The following SRC variants were observed in gnomAD, a reference collection of about 807,000 sequenced individuals.
The protein encoded by SRC is SRC proto-oncogene, non-receptor tyrosine kinase.
A neutral mutation model predicts 62.9 loss-of-function variants in SRC; 13 were observed. The observed-to-expected ratio is 0.21, with a 90% CI of 0.13 to 0.33. The LOEUF (loss-of-function observed/expected upper bound fraction) is 0.33, where lower values mean the gene tolerates loss of function less well. Ranked by LOEUF, SRC falls within the 10% of genes least tolerant of loss-of-function variation. The pLI, the probability that SRC is intolerant of heterozygous loss-of-function variation, is 1.00. For synonymous variants in SRC, 302 were observed against 317.5 expected (o/e 0.95, Z 0.52); for missense variants, 457 against 737.3 (o/e 0.62, Z 4.40).
chr20:37,378,698 G>A (rs1157538391), intron 2 of SRC, among the ~76,000 whole-genome samples: 1 of 152,128 alleles, frequency 6.6e-6, no homozygotes, highest in Non-Finnish European at 1.5e-5. Flanking sequence ...ATGGCTTTCT[G>A]TGGAGAGTTT....
At chr20:37,386,559 C>T in intron 5 of SRC, 1 of 700,058 alleles carries the variant, frequency 1.4e-6, no homozygotes, top group Non-Finnish European at 2.6e-6. Context: ...TGCTTCCACT[C>T]CCTGCCTGTG....
Position 37,384,241 on chromosome 20 carries a change from G to A in SRC, c.88G>A (p.Gly30Ser). The A allele has an allele frequency of 6.4e-7, 1 of 1,570,066 alleles. No homozygotes were observed. Among genetic ancestry groups the A allele is most frequent in the Admixed American group, 1.8e-5 (1 of 55,922 alleles). ...CGAGAACGTGCACGGCGCTGGCGGGGGCGCTTTCCCCGCCTCGCAGACCCC... is the reference window on the plus strand; with the variant it reads ...CGAGAACGTGCACGGCGCTGGCGGGAGCGCTTTCCCCGCCTCGCAGACCCC... ...PAENVHGAGG[G>S]AFPASQTPSK... The change falls in exon 4 of 14, where the codon GGC (glycine) becomes AGC (serine). Residue 30 changes from glycine (G) to serine (S), a missense_variant. Physicochemically the swap from Gly to Ser is moderately conservative, Grantham distance 56. Around this residue, in one of 4 missense-constraint regions of SRC, gnomAD observed 132 missense variants for 135.4 expected, o/e 0.98. Coordinates refer to ENST00000373578, the MANE Select transcript of SRC (RefSeq NM_198291.3). This position sits in a 1 kb window ranked among gnomAD's most constrained non-coding sequence, Gnocchi z 6.7.
rs2070427490 is a variant in SRC at position 37,384,870 on chromosome 20, T to C, written c.250+467T>C. ...GCGCCCCTGCGCCCTCTGCTGGCGC[T>C]CTGCGGTCACCGCAGCCCCGGAGAG... On this transcript the variant is annotated intron_variant, in intron 4 of 13. Coordinates refer to ENST00000373578, the MANE Select transcript of SRC (RefSeq NM_198291.3). The surrounding 1 kb of genome is among the most constrained non-coding windows in gnomAD (Gnocchi z 6.7). Among the ~76,000 whole-genome samples, 1 of 152,150 alleles carries C rather than the reference T, an allele frequency of 6.6e-6. No homozygotes were observed. Among genetic ancestry groups the C allele is most frequent in the Admixed American group, 6.5e-5 (1 of 15,286 alleles).
chr20:37,378,212 G>A (rs2070306826), intron 2 of SRC, among the ~76,000 whole-genome samples: 2 of 146,336 alleles, frequency 1.4e-5, no homozygotes, highest in South Asian at 4.4e-4. Flanking sequence ...ATCCAGGCTG[G>A]AGTGCAGTGG....
chr20:37,372,347 T>C (rs568953806), intron 2 of SRC, among the ~76,000 whole-genome samples: 1 of 152,352 alleles, frequency 6.6e-6, no homozygotes, highest in Non-Finnish European at 1.5e-5. Context: ...AAGTTCTCTT[T>C]TACCACATCC....
Position 37,405,427 on chromosome 20 carries a change from A to T in SRC, c.*2048A>T, listed in dbSNP as rs1028124881. The T allele has an allele frequency of 2.0e-5, 4 of 199,230 alleles. No homozygotes were observed. Among genetic ancestry groups the T allele is most frequent in the African/African-American group, 9.2e-5 (4 of 43,408 alleles). The allele number at this position is 199,230 out of a possible 1,614,324, so 12.3% of individuals were successfully genotyped here. ...ACAAACAGACCTCAGAATCTGATCA[A>T]CAGTTTATTGAACATCTACTGTGTG... On this transcript the variant is annotated 3_prime_UTR_variant, in exon 14 of 14. Transcript: ENST00000373578.
intron 2 of SRC, among the ~76,000 whole-genome samples, chr20:37,373,232 A>T (rs1442658034): frequency 7.0e-6 from 1 of 142,600 alleles, no homozygotes; most frequent in Non-Finnish European, 1.5e-5. Context: ...ACGTACACAC[A>T]TGCACATATG....
At position 37,402,276 on chromosome 20, in the gene SRC, T is replaced by G. The variant is rs2070749055; in HGVS notation, c.1117-159T>G. ...ACTCCCGCAGAGCACTGCTCCTGCT[T>G]TCGATGCCAACAGCATTTACTGTGA... On this transcript the variant is annotated intron_variant, in intron 11 of 13. Transcript: ENST00000373578. The surrounding 1 kb of genome is among the most constrained non-coding windows in gnomAD (Gnocchi z 6.2). The G allele has an allele frequency of 1.2e-6, 1 of 833,372 alleles. No homozygotes were observed. Among genetic ancestry groups the G allele is most frequent in the Non-Finnish European group, 1.8e-6 (1 of 544,840 alleles). 51.6% of individuals were successfully genotyped at this position (833,372 alleles called of 1,614,324 possible). A position where few individuals can be genotyped will look rare whatever the true frequency, so the allele number is the denominator to read the frequency against.
chr20:37,392,016 G>A (rs2070558600), intron 5 of SRC, among the ~76,000 whole-genome samples: 2 of 152,166 alleles, frequency 1.3e-5, no homozygotes, highest in Admixed American at 6.5e-5. Context: ...GGAGAGACAA[G>A]TGTGGACACC....
At chr20:37,372,792 T>C (rs927899467) in intron 2 of SRC, among the ~76,000 whole-genome samples, 57 of 152,322 alleles carry the variant, frequency 3.7e-4, no homozygotes, top group African/African-American at 1.3e-3. Context: ...TGGGAGCTTA[T>C]TATATACATG....
At chr20:37,387,155 G>A (rs577982036) in intron 5 of SRC, among the ~76,000 whole-genome samples, 27 of 152,310 alleles carry the variant, frequency 1.8e-4, no homozygotes, top group African/African-American at 6.5e-4. Flanking sequence ...GGAAGTTGGG[G>A]GTTTCCACTG....
At chr20:37,355,250 G>T (rs1432908733) in intron 1 of SRC, among the ~76,000 whole-genome samples, 2 of 68,788 alleles carry the variant, frequency 2.9e-5, no homozygotes, top group Non-Finnish European at 5.9e-5. Context: ...CCCCCACCCC[G>T]CCAGGTGTTC....
rs996679068 is a variant in SRC at position 37,398,784 on chromosome 20, C to T, written c.859+930C>T. ...CAGCCATTATGGTGGCTGCAAAACT[C>T]ATTTCTGGCTTGGGTGAGAGGTGCT... On this transcript the variant is annotated intron_variant, in intron 9 of 13. Coordinates refer to ENST00000373578, the MANE Select transcript of SRC (RefSeq NM_198291.3). This position sits in a 1 kb window ranked among gnomAD's most constrained non-coding sequence, Gnocchi z 5.2. Among the ~76,000 whole-genome samples, 10 of 152,212 alleles carry T rather than the reference C, an allele frequency of 6.6e-5. No individual in the cohort carries two copies. The highest frequency in any genetic ancestry group is 1.3e-4 in the Non-Finnish European group (9 of 68,026).
intron 2 of SRC, among the ~76,000 whole-genome samples, chr20:37,375,862 C>T (rs2070267938): frequency 6.6e-6 from 1 of 152,252 alleles, no homozygotes; most frequent in Non-Finnish European, 1.5e-5. Context: ...GATTCAGTGT[C>T]TGATGAGGAC....
At chr20:37,363,852 A>ACG (rs1256015684) in intron 1 of SRC, among the ~76,000 whole-genome samples, 1 of 152,162 alleles carries the variant, frequency 6.6e-6, no homozygotes, top group Non-Finnish European at 1.5e-5. Context: ...GATCTCAGGC[A>ACG]CGCCATTTAA....
Position 37,361,881 on chromosome 20 carries a change from C to T in SRC, c.-246-3323C>T, listed in dbSNP as rs149909263. Reference sequence around the variant, plus strand: ...TGTGCAGGTAGAGATGTAGAGATGCCGGGGTCTCTGTGTGCAGGTAGAGAT... The same window carrying T: ...TGTGCAGGTAGAGATGTAGAGATGCTGGGGTCTCTGTGTGCAGGTAGAGAT... On this transcript the variant is annotated intron_variant, in intron 1 of 13. Coordinates refer to ENST00000373578, the MANE Select transcript of SRC (RefSeq NM_198291.3). Among the ~76,000 whole-genome samples the T allele has an allele frequency of 2.7e-4, 29 of 109,350 alleles. 1 individual carries two copies. Among genetic ancestry groups the T allele is most frequent in the South Asian group, 8.6e-4 (3 of 3,500 alleles). The allele number at this position is 109,350 out of a possible 152,430, so 71.7% of individuals were successfully genotyped here. A position where few individuals can be genotyped will look rare whatever the true frequency, so the allele number is the denominator to read the frequency against.
In SRC at chr20:37,397,912, T is replaced by C. The variant is rs2147108659; in HGVS notation, c.859+58T>C. The stretch of plus-strand genomic sequence containing the variant: ...TCCACCCCCCACCCCGTGTGGCAGC[T>C]CCGGGCTCCCTTGGTCCCTTTGCCT... On this transcript the variant is annotated intron_variant, in intron 9 of 13. Coordinates refer to ENST00000373578, the MANE Select transcript of SRC (RefSeq NM_198291.3). The surrounding 1 kb of genome is among the most constrained non-coding windows in gnomAD (Gnocchi z 4.1). 6.5e-7 allele frequency: 1 copy of C among 1,545,418 alleles called. No homozygotes were observed. The highest frequency in any genetic ancestry group is 1.2e-5 in the South Asian group (1 of 83,770).
intron 5 of SRC, among the ~76,000 whole-genome samples, chr20:37,389,021 T>C (rs1016767107): frequency 6.6e-6 from 1 of 152,124 alleles, no homozygotes; most frequent in Non-Finnish European, 1.5e-5. Flanking sequence ...GAGGCTGGGC[T>C]GGCTGTCAGG....
chr20:37,351,130 C>T lies in SRC; in HGVS notation c.-247+4875C>T, dbSNP rs559677820. 7.9e-5 allele frequency among the ~76,000 whole-genome samples: 12 copies of T among 152,378 alleles called. No individual in the cohort carries two copies. The South Asian group carries it at 2.5e-3, about 32-fold the overall frequency. On this transcript the variant is annotated intron_variant, in intron 1 of 13. Transcript: ENST00000373578. The surrounding 1 kb of genome is among the most constrained non-coding windows in gnomAD (Gnocchi z 4.4). Reference sequence around the variant, plus strand: ...ATCTCAGAGCTGGGAGCCAGACCTCCATCTCCCTACTCCTTGCTCTGGGTC... The same window carrying T: ...ATCTCAGAGCTGGGAGCCAGACCTCTATCTCCCTACTCCTTGCTCTGGGTC...
Sources: gnomAD v4.1 joint callset for allele counts (sites outside exome capture counted in the v4.1 genomes callset) on GRCh38, gnomAD v4.1.1 for gene constraint, gnomAD v4.1.1 regional missense constraint, Gnocchi (gnomAD v3.1) non-coding constraint, MANE v1.5 for transcripts, NCBI Gene and HGNC (gene_info 2026-07-23, HGNC 2026-07-21) for gene names.